The following CAMP variants were observed in gnomAD, a reference collection of about 807,000 sequenced individuals.
The protein encoded by CAMP is 18 kDa cationic antimicrobial protein.
In CAMP, 10 loss-of-function variants were observed where a neutral mutation model predicts 12.7. The ratio of observed to expected loss-of-function variants is 0.79; its 90% CI spans 0.49 to 1.34. CAMP has a LOEUF of 1.34. Ranked by LOEUF, CAMP falls within the 40% of genes most tolerant of loss-of-function variation. CAMP has a pLI of 0.00. For missense variants in CAMP, 205 were observed against 213.0 expected (o/e 0.96, Z 0.23); for synonymous variants, 87 against 85.2 (o/e 1.02, Z -0.12).
rs778942951 is a variant in CAMP, at chr3:48,224,341, C to T, written c.202-13C>T. 6.4e-6 allele frequency: 10 copies of T among 1,573,118 alleles called. No individual in the cohort carries two copies. In the East Asian group the frequency reaches 6.7e-5, roughly 11 times the overall value. On this transcript the variant is annotated splice_polypyrimidine_tract_variant and intron_variant, in intron 1 of 3. Transcript: ENST00000652295. ...ATACAAGAATGGGCCTCCCCATTTC[C>T]TCCTCTGACTAGGATGGGGACCCAG... is the stretch of plus-strand genomic sequence containing the variant.
At chr3:48,224,839 T>G (rs2033483113) in intron 3 of CAMP, among the ~76,000 whole-genome samples, 165 bp downstream of exon 3, 1 of 152,118 alleles carries the variant, frequency 6.6e-6, no homozygotes. Context: ...TGGAATCCCT[T>G]AGAGCGGTAG....
intron 3 of CAMP, among the ~76,000 whole-genome samples, chr3:48,224,879 C>G (rs551491013): frequency 5.9e-5 from 9 of 152,228 alleles, no homozygotes; most frequent in African/African-American, 1.9e-4. Flanking sequence ...CCTGGGGACT[C>G]GTTAGATATG....
intron 3 of CAMP, among the ~76,000 whole-genome samples, chr3:48,224,902 C>A (rs1489719696): frequency 6.6e-6 from 1 of 152,150 alleles, no homozygotes; most frequent in Non-Finnish European, 1.5e-5. Context: ...AATTCTCAGG[C>A]CCTACTCAGA....
chr3:48,225,018 C>T (rs954911427), intron 3 of CAMP, among the ~76,000 whole-genome samples: 1 of 152,182 alleles, frequency 6.6e-6, no homozygotes, highest in Admixed American at 6.5e-5. Flanking sequence ...TAAGAGTACT[C>T]AGCTCTCAGC....
intron 3 of CAMP, 62 bp from the exon 4 acceptor site, chr3:48,225,231 C>A: frequency 6.3e-7 from 1 of 1,582,448 alleles, no homozygotes. Context: ...GGGGAGGGGT[C>A]TTGGATTGAC....
Position 48,223,504 on chromosome 3 carries a change from TG to T in CAMP, c.-4del, listed in dbSNP as rs924098624. The T allele has an allele frequency of 1.3e-6, 2 of 1,578,990 alleles. No individual in the cohort carries two copies. The highest frequency in any genetic ancestry group is 1.9e-5 in the Admixed American group (1 of 53,990). The stretch of plus-strand genomic sequence containing the variant: ...CCTGTGGGCTAGAGGGAGGCAGACA[TG>T]GGGACCATGAAGACCCAAAGGGATG... On this transcript the variant is annotated 5_prime_UTR_variant, in exon 1 of 4. Transcript: ENST00000652295.
rs2033494375 is a variant in CAMP at position 48,225,344 on chromosome 3, A to C, written c.433A>C (p.Lys145Gln). ...LGDFFRKSKE[K>Q]IGKEFKRIVQ... The stretch of plus-strand genomic sequence containing the variant: ...TGATTTCTTCCGGAAATCTAAAGAG[A>C]AGATTGGCAAAGAGTTTAAAAGAAT... Residue 145 changes from lysine (K) to glutamine (Q), a missense_variant, in exon 4 of 4, where the codon AAG (lysine) becomes CAG (glutamine). Transcript: ENST00000652295. 1 of 1,613,392 alleles carries C rather than the reference A, an allele frequency of 6.2e-7. No individual in the cohort carries two copies. The highest frequency in any genetic ancestry group is 8.5e-7 in the Non-Finnish European group (1 of 1,179,408).
In CAMP at chr3:48,224,613, G is replaced by T; in HGVS notation, c.320G>T (p.Arg107Leu). The T allele has an allele frequency of 2.5e-6, 4 of 1,613,520 alleles. No individual in the cohort carries two copies. The highest frequency in any genetic ancestry group is 3.4e-6 in the Non-Finnish European group (4 of 1,179,534). The stretch of plus-strand genomic sequence containing the variant: ...GCTTCTCCTTTCCAGCTGGTGAAGC[G>T]GTGTATGGGGACAGTGACCCTCAAC... ...CDFKKDGLVK[R>L]CMGTVTLNQA... The change falls in exon 3 of 4, where the codon CGG becomes CTG. Residue 107 changes from arginine (R) to leucine (L), a missense_variant. By Grantham distance (102) the Arg-to-Leu change is moderately radical. Coordinates refer to ENST00000652295, the MANE Select transcript of CAMP (RefSeq NM_004345.5).
chr3:48,225,470 C>G lies in CAMP; in HGVS notation c.*46C>G, dbSNP rs187330581. On this transcript the variant is annotated 3_prime_UTR_variant, in exon 4 of 4. Coordinates refer to ENST00000652295, the MANE Select transcript of CAMP (RefSeq NM_004345.5). ...AGGCTTCTGGGCTCTGAGAAATAAA[C>G]TATGAGAGCAATTTCCTCAGGCTTC... is the stretch of plus-strand genomic sequence containing the variant. 6.4e-6 allele frequency: 10 copies of G among 1,567,166 alleles called. No homozygotes were observed. The highest frequency in any genetic ancestry group is 8.7e-7 in the Non-Finnish European group (1 of 1,146,060).
At chr3:48,224,734 T>C (rs927823941) in intron 3 of CAMP, 60 bp downstream of exon 3, 3 of 1,256,530 alleles carry the variant, frequency 2.4e-6, no homozygotes, top group Non-Finnish European at 3.5e-6. Context: ...GACCATCCAA[T>C]GGGTCAATTA....
chr3:48,223,847 T>A, intron 1 of CAMP, 135 bp downstream of exon 1: 1 of 677,856 alleles, frequency 1.5e-6, no homozygotes, highest in Non-Finnish European at 2.6e-6. Flanking sequence ...GGGAACCTTC[T>A]AGAGCTCGTG....
intron 1 of CAMP, 52 bp downstream of exon 1, chr3:48,223,764 T>G (rs753071323): frequency 8.6e-6 from 12 of 1,397,214 alleles, no homozygotes; most frequent in Non-Finnish European, 1.2e-5. Flanking sequence ...GGCCACGTGT[T>G]GTTCCTTCTG....
chr3:48,223,940 G>C (rs901844361), intron 1 of CAMP, among the ~76,000 whole-genome samples: 2 of 152,132 alleles, frequency 1.3e-5, no homozygotes, highest in Admixed American at 1.3e-4. Context: ...GCAGGTTTTG[G>C]GACTTCTGCG....
Position 48,224,635 on chromosome 3 carries a change from C to A in CAMP, c.342C>A (p.Leu114=). The A allele has an allele frequency of 6.2e-7, 1 of 1,613,904 alleles. No homozygotes were observed. Among genetic ancestry groups the A allele is most frequent in the East Asian group, 2.2e-5 (1 of 44,882 alleles). The change falls in exon 3 of 4, where the codon CTC becomes CTA. Residue 114 remains leucine, a synonymous_variant. Transcript: ENST00000652295. ...LVKRCMGTVT[L]NQARGSFDIS... ...AGCGGTGTATGGGGACAGTGACCCT[C>A]AACCAGGCCAGGGGCTCCTTTGACA...
chr3:48,224,151 T>C (rs868498563), intron 1 of CAMP, among the ~76,000 whole-genome samples: 2 of 152,144 alleles, frequency 1.3e-5, no homozygotes, highest in South Asian at 2.1e-4. Context: ...TTAGAGCTCA[T>C]CTGAGGTCTG....
intron 2 of CAMP, 41 bp from the exon 3 acceptor site, chr3:48,224,562 G>A (rs1222093990): frequency 1.3e-6 from 2 of 1,586,262 alleles, no homozygotes; most frequent in East Asian, 2.2e-5. Flanking sequence ...GGAGGTCATG[G>A]CAAATGGTTT....
At chr3:48,225,139 C>T (rs545255845) in intron 3 of CAMP, among the ~76,000 whole-genome samples, 154 bp from the exon 4 acceptor site, 1 of 152,062 alleles carries the variant, frequency 6.6e-6, no homozygotes, top group South Asian at 2.1e-4. Flanking sequence ...GGGATTCAAT[C>T]ACATGCTTCA....
Position 48,224,348 on chromosome 3 carries a change from G to T in CAMP, c.202-6G>T. On this transcript the variant is annotated splice_region_variant and splice_polypyrimidine_tract_variant and intron_variant, in intron 1 of 3. Transcript: ENST00000652295. ...AATGGGCCTCCCCATTTCCTCCTCT[G>T]ACTAGGATGGGGACCCAGACACGCC... 1.2e-6 allele frequency: 2 copies of T among 1,602,446 alleles called. No homozygotes were observed. The highest frequency in any genetic ancestry group is 1.1e-5 in the South Asian group (1 of 90,796).
At chr3:48,223,929 C>T (rs760773415) in intron 1 of CAMP, among the ~76,000 whole-genome samples, 9 of 152,178 alleles carry the variant, frequency 5.9e-5, no homozygotes, top group Non-Finnish European at 8.8e-5. Flanking sequence ...CCCGACCCCA[C>T]GCAGGTTTTG....
Sources: gnomAD v4.1 joint callset for allele counts (sites outside exome capture counted in the v4.1 genomes callset) on GRCh38, gnomAD v4.1.1 for gene constraint, MANE v1.5 for transcripts, NCBI Gene and HGNC (gene_info 2026-07-23, HGNC 2026-07-21) for gene names.